The following GRM5 variants were observed in gnomAD, a reference collection of about 807,000 sequenced individuals.
GRM5 encodes the protein metabotropic glutamate receptor 5.
Under a neutral mutation model 83.1 loss-of-function variants are expected in GRM5, and 19 were observed. The observed-to-expected ratio is 0.23, with a 90% CI of 0.16 to 0.34. The LOEUF (loss-of-function observed/expected upper bound fraction) is 0.34, where lower values mean the gene tolerates loss of function less well. Among genes scored for constraint, GRM5 ranks in the 10% least tolerant of loss-of-function variants. The probability of loss-of-function intolerance (pLI) is 1.00; values close to 1 mark genes in which losing one functional copy is unlikely to be tolerated. For synonymous variants in GRM5, 675 were observed against 633.6 expected, an observed-to-expected ratio of 1.07 and a Z score of -0.98; for missense variants, 1,160 against 1,588.3, an observed-to-expected ratio of 0.73 and a Z score of 4.58.
At chr11:88,921,783 G>A (rs1324891389) in intron 2 of GRM5, among the ~76,000 whole-genome samples, 2 of 151,998 alleles carry the variant, frequency 1.3e-5, no homozygotes. Context: ...GAAGTAAATG[G>A]CTTCTAAATT....
intron 3 of GRM5, among the ~76,000 whole-genome samples, chr11:88,683,325 A>T (rs926425243): frequency 6.6e-6 from 1 of 152,188 alleles, no homozygotes; most frequent in African/African-American, 2.4e-5. Context: ...TCCTTCTCCA[A>T]AAAGTCATTC....
chr11:88,834,227 A>G (rs1206302149), intron 3 of GRM5, among the ~76,000 whole-genome samples: 4 of 152,282 alleles, frequency 2.6e-5, no homozygotes, highest in African/African-American at 9.6e-5. Context: ...AATCATGTGT[A>G]CCCCATACAT....
At chr11:88,583,641 G>T (rs1943257373) in intron 7 of GRM5, among the ~76,000 whole-genome samples, 1 of 152,098 alleles carries the variant, frequency 6.6e-6, no homozygotes, top group South Asian at 2.1e-4. Context: ...CTGTGGCTTT[G>T]GACTGGGGAC....
chr11:88,888,252 G>C (rs753774011), intron 2 of GRM5, among the ~76,000 whole-genome samples: 3 of 152,178 alleles, frequency 2.0e-5, no homozygotes, highest in Non-Finnish European at 4.4e-5. Context: ...CTCATGGAGG[G>C]ATGTTATGTT....
intron 8 of GRM5, among the ~76,000 whole-genome samples, chr11:88,557,406 A>G (rs1942654996): frequency 1.3e-5 from 2 of 152,102 alleles, no homozygotes; most frequent in Admixed American, 6.6e-5. Flanking sequence ...TTTTGATTGC[A>G]TATGGTGTGT....
intron 3 of GRM5, among the ~76,000 whole-genome samples, chr11:88,839,442 A>C (rs1846476): frequency 0.13 from 19,482 of 152,174 alleles, 2,690 homozygotes; most frequent in African/African-American, 0.35. Flanking sequence ...GATAATATTT[A>C]CTATCTTACT....
chr11:88,563,294 G>T lies in GRM5; in HGVS notation c.2630+3759C>A, dbSNP rs1417164457. On this transcript the variant is annotated intron_variant, in intron 8 of 9. Transcript: ENST00000305447. ...AAATCCAGGTGTGGTTCCAAAGCCA[G>T]AACTCTAAACTAGTATGCTGCCTTT... Among the ~76,000 whole-genome samples, 7 of 152,148 alleles carry T rather than the reference G, an allele frequency of 4.6e-5. No individual in the cohort carries two copies. The East Asian group carries it at 1.2e-3, about 25-fold the overall frequency.
intron 2 of GRM5, among the ~76,000 whole-genome samples, chr11:88,906,700 A>G (rs1385908428): frequency 1.2e-4 from 18 of 152,216 alleles, no homozygotes. Context: ...TAAGGCATAA[A>G]TTTTGAGTTT....
At chr11:88,689,660 G>A (rs969336109) in intron 3 of GRM5, among the ~76,000 whole-genome samples, 24 of 152,256 alleles carry the variant, frequency 1.6e-4, no homozygotes, top group African/African-American at 5.8e-4. Context: ...AGCTTTAGCA[G>A]ATCACTTTCT....
intron 3 of GRM5, among the ~76,000 whole-genome samples, chr11:88,741,595 G>T (rs1208374918): frequency 6.6e-6 from 1 of 152,068 alleles, no homozygotes; most frequent in Non-Finnish European, 1.5e-5. Flanking sequence ...GCAGGGGTTA[G>T]ACCATGACCA....
At chr11:88,580,773 C>T (rs1211416688) in intron 7 of GRM5, among the ~76,000 whole-genome samples, 23 of 152,222 alleles carry the variant, frequency 1.5e-4, no homozygotes, top group Admixed American at 1.5e-3. Flanking sequence ...AAATTGTCTA[C>T]TCTCTGCCAT....
At chr11:88,832,033 ACAT>A (rs1338721878) in intron 3 of GRM5, among the ~76,000 whole-genome samples, 8 of 152,202 alleles carry the variant, frequency 5.3e-5, no homozygotes, top group Non-Finnish European at 1.2e-4. Flanking sequence ...CTCCAGCAAA[ACAT>A]CACTACAGAC....
chr11:88,842,101 A>C (rs913213164), intron 3 of GRM5, among the ~76,000 whole-genome samples: 2 of 152,170 alleles, frequency 1.3e-5, no homozygotes. Flanking sequence ...AAGTTTTGAT[A>C]AATTTTAACT....
intron 3 of GRM5, among the ~76,000 whole-genome samples, chr11:88,664,597 C>A (rs1187605795): frequency 2.6e-5 from 4 of 151,998 alleles, no homozygotes; most frequent in Admixed American, 6.6e-5. Flanking sequence ...CGGGTGTGCA[C>A]CACCATGCCC....
intron 2 of GRM5, among the ~76,000 whole-genome samples, chr11:88,998,967 G>A (rs1940281448): frequency 6.6e-6 from 1 of 151,994 alleles, no homozygotes; most frequent in African/African-American, 2.4e-5. Context: ...TGACAAACCT[G>A]ACAAAAACAA....
chr11:88,761,830 A>C (rs948414355), intron 3 of GRM5, among the ~76,000 whole-genome samples: 1 of 133,912 alleles, frequency 7.5e-6, no homozygotes, highest in Non-Finnish European at 1.8e-5. Context: ...TAACCAAAAA[A>C]GCATGGTACT....
chr11:88,828,177 G>A (rs1565250402), intron 3 of GRM5, among the ~76,000 whole-genome samples: 1 of 152,204 alleles, frequency 6.6e-6, no homozygotes, highest in Non-Finnish European at 1.5e-5. Context: ...GGACATGGAT[G>A]AGAAAGGCAG....
chr11:88,947,686 T>C (rs1358344064), intron 2 of GRM5, among the ~76,000 whole-genome samples: 1 of 152,168 alleles, frequency 6.6e-6, no homozygotes, highest in Non-Finnish European at 1.5e-5. Flanking sequence ...TAATCCATTA[T>C]GACTGGAAGA....
chr11:88,718,241 TGTA>T (rs1941442663), intron 3 of GRM5, among the ~76,000 whole-genome samples: 1 of 151,912 alleles, frequency 6.6e-6, no homozygotes, highest in Non-Finnish European at 1.5e-5. Flanking sequence ...ATCACAAAAC[TGTA>T]ATGTTTTTGA....
Sources: allele counts gnomAD v4.1 joint callset (sites outside exome capture counted in the v4.1 genomes callset), GRCh38; gene constraint gnomAD v4.1.1; transcripts MANE v1.5; gene names NCBI Gene and HGNC (gene_info 2026-07-23, HGNC 2026-07-21).